Variants in TMCO4 observed in about 807,000 individuals in gnomAD.
TMCO4 encodes the protein transmembrane and coiled-coil domain-containing protein 4.
In TMCO4, 58 loss-of-function variants were observed where a neutral mutation model predicts 64.7. That is an observed-to-expected ratio of 0.90 (90% CI 0.73 to 1.12). The LOEUF is 1.12. TMCO4 is among the 50% of genes most tolerant of loss of function. The pLI is 0.00. For missense variants in TMCO4, 780 were observed against 825.9 expected (o/e 0.94, Z 0.68); for synonymous variants, 325 against 346.1 (o/e 0.94, Z 0.68).
intron 6 of TMCO4, among the ~76,000 whole-genome samples, chr1:19,764,284 G>A (rs186307663): frequency 6.6e-6 from 1 of 152,320 alleles, no homozygotes; most frequent in East Asian, 1.9e-4. Context: ...TTTCCAGCTT[G>A]GGCAGGCATT....
chr1:19,720,952 G>GA (rs897174991), intron 13 of TMCO4, among the ~76,000 whole-genome samples: 49 of 147,036 alleles, frequency 3.3e-4, no homozygotes, highest in South Asian at 4.3e-4. Flanking sequence ...TACGAGGAAA[G>GA]AAAAAAAAAA....
In TMCO4 at chr1:19,747,211, G is replaced by A. The variant is rs564460987; in HGVS notation, c.565C>T (p.Arg189Cys). 9 of 1,613,858 alleles carry A rather than the reference G, an allele frequency of 5.6e-6. No individual in the cohort carries two copies. The highest frequency in any genetic ancestry group is 4.0e-5 in the African/African-American group (3 of 74,876). Residue 189 changes from arginine (R) to cysteine (C), a missense_variant, in exon 8 of 16, where the codon CGT (arginine) becomes TGT (cysteine). By Grantham distance (180) the Arg-to-Cys change is radical. Coordinates refer to ENST00000294543, the MANE Select transcript of TMCO4 (RefSeq NM_181719.7). ...GTCGCCAGGCCTATCAGGAGATAAC[G>A]CTTCCATTTCCTCCGGTTTTCTTTC... ...KKKENRRKWK[R>C]YLLIGLATVG...
At chr1:19,730,842 C>A (rs2095427251) in intron 13 of TMCO4, among the ~76,000 whole-genome samples, 1 of 152,196 alleles carries the variant, frequency 6.6e-6, no homozygotes, top group Non-Finnish European at 1.5e-5. Context: ...ATTTACTGCT[C>A]TATTTTGTTA....
At chr1:19,714,976 C>T (rs762035997) in intron 13 of TMCO4, among the ~76,000 whole-genome samples, 1 of 152,022 alleles carries the variant, frequency 6.6e-6, no homozygotes, top group Non-Finnish European at 1.5e-5. Context: ...GGTGCAGTGG[C>T]TCATGCATGT....
At chr1:19,770,497 G>A (rs768943396) in intron 6 of TMCO4, 45 bp downstream of exon 6, 11 of 1,611,514 alleles carry the variant, frequency 6.8e-6, no homozygotes, top group South Asian at 1.1e-5. Flanking sequence ...AGCCAAGGGT[G>A]CAGATGGGTA....
intron 12 of TMCO4, among the ~76,000 whole-genome samples, chr1:19,737,775 T>C (rs1436666585): frequency 1.3e-5 from 2 of 152,248 alleles, no homozygotes; most frequent in Non-Finnish European, 2.9e-5. Context: ...GCTAGTCAAT[T>C]ACAAGAGCAA....
chr1:19,702,033 A>T (rs12728698), intron 13 of TMCO4, among the ~76,000 whole-genome samples: 67,939 of 151,692 alleles, frequency 0.45, 15,544 homozygotes, highest in Admixed American at 0.51. Context: ...GCAGTGGCGC[A>T]ATCTCGGCTC....
intron 13 of TMCO4, among the ~76,000 whole-genome samples, chr1:19,724,686 T>C (rs938925039): frequency 6.6e-6 from 1 of 152,190 alleles, no homozygotes; most frequent in African/African-American, 2.4e-5. Context: ...TGCCCAAGGG[T>C]ACCCAGACAG....
chr1:19,723,467 G>A (rs564167697), intron 13 of TMCO4, among the ~76,000 whole-genome samples: 166 of 152,306 alleles, frequency 1.1e-3, no homozygotes, highest in Non-Finnish European at 2.1e-3. Context: ...TTCCCTGGGG[G>A]TTACTGGGTC....
intron 10 of TMCO4, among the ~76,000 whole-genome samples, chr1:19,742,201 C>T (rs149638651): frequency 7.6e-4 from 115 of 152,302 alleles, no homozygotes; most frequent in African/African-American, 2.4e-3. Context: ...TCTGACAAAA[C>T]AAATGCACCC....
In TMCO4 at chr1:19,743,737, G is replaced by A. The variant is rs752594299; in HGVS notation, c.877+1795C>T. Among the ~76,000 whole-genome samples the A allele has an allele frequency of 5.9e-5, 9 of 152,158 alleles. No individual in the cohort carries two copies. The highest frequency in any genetic ancestry group is 9.7e-5 in the African/African-American group (4 of 41,436). ...TGTTCTTGCTCCTTCCTGTAGCACG[G>A]TAAAATGAAAACAAATGAAAAACCC... On this transcript the variant is annotated intron_variant, in intron 10 of 15. Transcript: ENST00000294543. The surrounding 1 kb of genome is among the most constrained non-coding windows in gnomAD (Gnocchi z 4.1).
intron 2 of TMCO4, among the ~76,000 whole-genome samples, chr1:19,793,010 T>G (rs2044128667): frequency 6.6e-6 from 1 of 152,040 alleles, no homozygotes; most frequent in Admixed American, 6.6e-5. Context: ...GCTCAAGTGA[T>G]CCTGTCACCT....
intron 7 of TMCO4, among the ~76,000 whole-genome samples, chr1:19,748,935 G>A (rs531473547): frequency 2.1e-4 from 32 of 152,268 alleles, no homozygotes; most frequent in Middle Eastern, 3.4e-3. Context: ...TTCCCTGCCC[G>A]TTCACCTCAA....
At chr1:19,764,303 T>C (rs2042634579) in intron 6 of TMCO4, among the ~76,000 whole-genome samples, 1 of 152,250 alleles carries the variant, frequency 6.6e-6, no homozygotes, top group Admixed American at 6.5e-5. Context: ...TTTCATTCTC[T>C]GCGCTGCAGT....
chr1:19,738,805 G>A (rs1428485146), intron 12 of TMCO4, among the ~76,000 whole-genome samples: 2 of 152,176 alleles, frequency 1.3e-5, no homozygotes, highest in Non-Finnish European at 2.9e-5. Flanking sequence ...TTGAATTTCA[G>A]CTGGGTTCAT....
At chr1:19,708,265 ATTTCT>A (rs2095312456) in intron 13 of TMCO4, among the ~76,000 whole-genome samples, 1 of 151,638 alleles carries the variant, frequency 6.6e-6, no homozygotes, top group South Asian at 2.1e-4. Context: ...AATTTAGATA[ATTTCT>A]GTTTCTATCT....
chr1:19,699,486 C>CATATATATATATATATATATATAT (rs10587817), intron 14 of TMCO4, among the ~76,000 whole-genome samples: 4 of 136,414 alleles, frequency 2.9e-5, no homozygotes, highest in African/African-American at 8.0e-5. Context: ...TTTTCATATA[C>CATATATATATATATATATATATAT]ATATATATAT....
rs1388680257 is a variant in TMCO4, at chr1:19,734,555, A to G, written c.1264+2817T>C. The stretch of plus-strand genomic sequence containing the variant: ...TGTTTCCAACTCCTTAGCCTGGCAC[A>G]GTGCCAGGCTCCCACCCTGACCTAT... On this transcript the variant is annotated intron_variant, in intron 13 of 15. Transcript: ENST00000294543. The surrounding 1 kb of genome is among the most constrained non-coding windows in gnomAD (Gnocchi z 4.4). Among the ~76,000 whole-genome samples, 1 of 151,960 alleles carries G rather than the reference A, an allele frequency of 6.6e-6. No homozygotes were observed. The highest frequency in any genetic ancestry group is 2.4e-5 in the African/African-American group (1 of 41,362).
chr1:19,709,168 T>C (rs1370721570), intron 13 of TMCO4, among the ~76,000 whole-genome samples: 1 of 152,122 alleles, frequency 6.6e-6, no homozygotes, highest in Non-Finnish European at 1.5e-5. Flanking sequence ...TGTTTGGACA[T>C]ATACCAGGAT....
Sources: allele counts gnomAD v4.1 joint callset (sites outside exome capture counted in the v4.1 genomes callset), GRCh38; gene constraint gnomAD v4.1.1; non-coding constraint Gnocchi (gnomAD v3.1); transcripts MANE v1.5; gene names NCBI Gene and HGNC (gene_info 2026-07-23, HGNC 2026-07-21).